Variants in SIPA1L1 observed in about 807,000 individuals in gnomAD.
SIPA1L1 encodes the protein signal induced proliferation associated 1 like 1.
A neutral mutation model predicts 162.7 loss-of-function variants in SIPA1L1; 26 were observed. The observed-to-expected ratio is 0.16, with a 90% CI of 0.12 to 0.22. The LOEUF (loss-of-function observed/expected upper bound fraction) is 0.22. Ranked by LOEUF, SIPA1L1 falls within the 10% of genes least tolerant of loss-of-function variation. The pLI, the probability that SIPA1L1 is intolerant of heterozygous loss-of-function variation, is 1.00. For missense variants in SIPA1L1, 1,874 were observed against 2,241.0 expected, an observed-to-expected ratio of 0.84 and a Z score of 3.31; for synonymous variants, 829 against 837.4, an observed-to-expected ratio of 0.99 and a Z score of 0.17.
At chr14:71,628,508 C>G (rs1004111180) in intron 7 of SIPA1L1, among the ~76,000 whole-genome samples, 2 of 152,216 alleles carry the variant, frequency 1.3e-5, no homozygotes, top group Non-Finnish European at 2.9e-5. Flanking sequence ...ACATTATGCT[C>G]ACTTTCACAA....
chr14:71,711,521 AT>A (rs568680725), intron 17 of SIPA1L1, among the ~76,000 whole-genome samples: 9 of 152,318 alleles, frequency 5.9e-5, no homozygotes, highest in Middle Eastern at 3.4e-3. Context: ...ATCTGAAAAT[AT>A]TTCTCTGGTC....
At chr14:71,641,843 A>C (rs2041748964) in intron 7 of SIPA1L1, among the ~76,000 whole-genome samples, 1 of 152,202 alleles carries the variant, frequency 6.6e-6, no homozygotes, top group African/African-American at 2.4e-5. Context: ...ATTTATAGTA[A>C]AAAAAACAAA....
Position 71,671,359 on chromosome 14 carries a change from T to G in SIPA1L1, c.2496T>G (p.Phe832Leu). The G allele has an allele frequency of 6.2e-7, 1 of 1,614,218 alleles. No homozygotes were observed. The highest frequency in any genetic ancestry group is 8.5e-7 in the Non-Finnish European group (1 of 1,180,048). Residue 832 changes from phenylalanine (F) to leucine (L), a missense_variant, in exon 11 of 24, where the codon TTT (phenylalanine) becomes TTG (leucine). Coordinates refer to ENST00000381232, the MANE Select transcript of SIPA1L1 (RefSeq NM_001386936.1). ...TNTPIDPSGK[F>L]PFISLASKKK... ...CCCCTATCGACCCTTCTGGCAAGTTTCCGTTCATCTCTCTGGCTTCCAAGA... is the reference window on the plus strand; with the variant it reads ...CCCCTATCGACCCTTCTGGCAAGTTGCCGTTCATCTCTCTGGCTTCCAAGA...
At chr14:71,423,524 T>C (rs904857485) in intron 2 of SIPA1L1, among the ~76,000 whole-genome samples, 5 of 152,172 alleles carry the variant, frequency 3.3e-5, no homozygotes, top group Non-Finnish European at 7.4e-5. Flanking sequence ...CTAACTGTAT[T>C]CTTTTGCATA....
chr14:71,737,345 GGGAAGA>G (rs1223207571), intron 22 of SIPA1L1, among the ~76,000 whole-genome samples: 3 of 152,134 alleles, frequency 2.0e-5, no homozygotes, highest in Non-Finnish European at 4.4e-5. Context: ...CATTGGCGCT[GGGAAGA>G]GGCTCTGCAT....
intron 3 of SIPA1L1, among the ~76,000 whole-genome samples, chr14:71,515,850 C>G (rs762623709): frequency 2.6e-5 from 4 of 152,196 alleles, no homozygotes; most frequent in Non-Finnish European, 5.9e-5. Flanking sequence ...CCATGTTGGC[C>G]AGGCTGGTCT....
At chr14:71,362,818 A>G (rs887896730) in intron 2 of SIPA1L1, among the ~76,000 whole-genome samples, 24 of 152,202 alleles carry the variant, frequency 1.6e-4, no homozygotes, top group Non-Finnish European at 2.9e-4. Context: ...ATGTAATTTC[A>G]CTTTATCTTA....
At chr14:71,389,367 A>C (rs748427753) in intron 2 of SIPA1L1, among the ~76,000 whole-genome samples, 3 of 152,242 alleles carry the variant, frequency 2.0e-5, no homozygotes, top group African/African-American at 4.8e-5. Context: ...GCATTCCTTC[A>C]TAGTTTCTAT....
At chr14:71,321,228 A>G (rs920986555) in intron 2 of SIPA1L1, 47 bp downstream of exon 2, 15 of 151,966 alleles carry the variant, frequency 9.9e-5, no homozygotes, top group African/African-American at 3.4e-4. Context: ...GGGGTGCAGG[A>G]CGGCTGACAG....
intron 7 of SIPA1L1, among the ~76,000 whole-genome samples, chr14:71,644,621 TAA>T (rs2042003443): frequency 6.6e-6 from 1 of 152,264 alleles, no homozygotes. Context: ...GGAGATTTTA[TAA>T]GTGTTTGTTT....
At chr14:71,566,029 AT>A (rs750832735) in intron 4 of SIPA1L1, among the ~76,000 whole-genome samples, 10 of 152,126 alleles carry the variant, frequency 6.6e-5, no homozygotes, top group Non-Finnish European at 1.3e-4. Flanking sequence ...CATTTTGAAA[AT>A]GACATGAGTG....
At chr14:71,587,529 A>G (rs1450084113) in intron 4 of SIPA1L1, 42 bp from the exon 5 acceptor site, 2 of 405,206 alleles carry the variant, frequency 4.9e-6, no homozygotes, top group Non-Finnish European at 8.7e-6. Context: ...TTGTTTTTAG[A>G]TGTATTTATC....
At chr14:71,375,302 T>C (rs1017467518) in intron 2 of SIPA1L1, among the ~76,000 whole-genome samples, 4 of 152,156 alleles carry the variant, frequency 2.6e-5, no homozygotes, top group African/African-American at 9.7e-5. Flanking sequence ...TATTTTCCCA[T>C]TTTGGTGGGA....
chr14:71,443,481 A>C (rs2141280473), intron 2 of SIPA1L1, among the ~76,000 whole-genome samples: 1 of 152,302 alleles, frequency 6.6e-6, no homozygotes, highest in Middle Eastern at 3.4e-3. Context: ...TAAATATAAA[A>C]TGAAATTGGT....
At chr14:71,329,494 G>T (rs569732116) in intron 2 of SIPA1L1, among the ~76,000 whole-genome samples, 1 of 150,688 alleles carries the variant, frequency 6.6e-6, no homozygotes, top group African/African-American at 2.4e-5. Context: ...AGGTTGGGGT[G>T]CAGTGGTGCC....
chr14:71,608,016 T>A (rs1388944187), intron 5 of SIPA1L1, among the ~76,000 whole-genome samples: 1 of 152,194 alleles, frequency 6.6e-6, no homozygotes, highest in African/African-American at 2.4e-5. Flanking sequence ...GCCCTGAAAT[T>A]AGGTGCTCAA....
At chr14:71,322,603 G>T (rs1485984923) in intron 2 of SIPA1L1, among the ~76,000 whole-genome samples, 2 of 152,084 alleles carry the variant, frequency 1.3e-5, no homozygotes, top group African/African-American at 4.8e-5. Flanking sequence ...TTTTTCCCAT[G>T]GAATCAATTA....
intron 2 of SIPA1L1, among the ~76,000 whole-genome samples, chr14:71,410,190 A>G (rs1420015862): frequency 1.3e-5 from 2 of 152,174 alleles, no homozygotes; most frequent in South Asian, 2.1e-4. Context: ...TGTGTATGCT[A>G]TTCTTTTCTT....
intron 7 of SIPA1L1, among the ~76,000 whole-genome samples, chr14:71,647,046 G>A (rs1175608373): frequency 2.0e-5 from 3 of 151,994 alleles, no homozygotes; most frequent in African/African-American, 7.3e-5. Flanking sequence ...TTCTATCTGG[G>A]AGCATGGCTG....
Sources: allele counts gnomAD v4.1 joint callset (sites outside exome capture counted in the v4.1 genomes callset), GRCh38; gene constraint gnomAD v4.1.1; transcripts MANE v1.5; gene names NCBI Gene and HGNC (gene_info 2026-07-23, HGNC 2026-07-21).